The following GTF3C2 variants were observed in gnomAD, a reference collection of about 807,000 sequenced individuals.
GTF3C2 encodes the protein general transcription factor IIIC subunit 2, also known as general transcription factor 3C polypeptide 2.
In GTF3C2, 17 loss-of-function variants were observed where a neutral mutation model predicts 117.4. The observed-to-expected ratio is 0.14, with a 90% CI of 0.10 to 0.22. The LOEUF is 0.22. Among genes scored for constraint, GTF3C2 ranks in the 10% least tolerant of loss-of-function variants. The probability of loss-of-function intolerance (pLI) is 1.00; values close to 1 mark genes in which losing one functional copy is unlikely to be tolerated. For synonymous variants in GTF3C2, 437 were observed against 427.0 expected, an observed-to-expected ratio of 1.02 and a Z score of -0.29; for missense variants, 888 against 1,143.6, an observed-to-expected ratio of 0.78 and a Z score of 3.22.
intron 4 of GTF3C2, chr2:27,341,567 G>T: frequency 5.6e-6 from 1 of 179,102 alleles, no homozygotes; most frequent in Non-Finnish European, 1.2e-5. Flanking sequence ...CCTTCAAGAA[G>T]CAATTCAACT....
chr2:27,356,401 G>T, intron 1 of GTF3C2: 1 of 267,900 alleles, frequency 3.7e-6, no homozygotes, highest in Non-Finnish European at 7.8e-6. Flanking sequence ...GAGGAGCCCT[G>T]GTTTTTCTAA....
At chr2:27,348,982 G>A (rs886590954) in intron 1 of GTF3C2, among the ~76,000 whole-genome samples, 9 of 151,536 alleles carry the variant, frequency 5.9e-5, no homozygotes, top group African/African-American at 4.9e-5. Flanking sequence ...GATTACAGGC[G>A]GCCGCCACCA....
At position 27,356,302 on chromosome 2, in the gene GTF3C2, A is replaced by G. The variant is rs1681376803; in HGVS notation, c.-25+437T>C. 3.5e-5 allele frequency: 13 copies of G among 375,280 alleles called. 1 individual carries two copies. The highest frequency in any genetic ancestry group is 2.5e-4 in the South Asian group (13 of 51,610). 23.2% of individuals were successfully genotyped at this position (375,280 alleles called of 1,614,324 possible). On this transcript the variant is annotated intron_variant, in intron 1 of 18. Coordinates refer to ENST00000264720, the Ensembl canonical transcript of GTF3C2. ...GAAGAGGCTGGGACACAGCTGAAAGAGATTGACCCACAACCACTCTAGGGG... is the reference window on the plus strand; with the variant it reads ...GAAGAGGCTGGGACACAGCTGAAAGGGATTGACCCACAACCACTCTAGGGG...
intron 16 of GTF3C2, 64 bp downstream of exon 16, chr2:27,328,404 C>A (rs752099083): frequency 6.4e-7 from 1 of 1,566,616 alleles, no homozygotes; most frequent in East Asian, 2.2e-5. Flanking sequence ...TTGTACTCTA[C>A]CAGAATTTGG....
At chr2:27,342,882 G>T in exon 3 of GTF3C2, 1 of 1,614,182 alleles carries the variant, frequency 6.2e-7, no homozygotes. Flanking sequence ...AGTCCTCAGG[G>T]GGCCTCTTTG....
intron 1 of GTF3C2, chr2:27,356,225 T>C (rs1019911017): frequency 1.2e-5 from 7 of 593,986 alleles, no homozygotes; most frequent in East Asian, 6.7e-5. Flanking sequence ...GTTACGCCAA[T>C]GGCGTTGCAG....
chr2:27,336,093 G>T, intron 8 of GTF3C2, 65 bp from the exon 9 acceptor site: 1 of 1,396,294 alleles, frequency 7.2e-7, no homozygotes, highest in Non-Finnish European at 1.0e-6. Context: ...CCAGAGGTAA[G>T]CTCCCCTTGT....
chr2:27,335,300 TCAG>T, intron 10 of GTF3C2: 1 of 547,408 alleles, frequency 1.8e-6, no homozygotes, highest in Non-Finnish European at 3.6e-6. Flanking sequence ...GCCCAAGCCC[TCAG>T]CAGCTCTTTA....
intron 4 of GTF3C2, 195 bp from the exon 5 acceptor site, chr2:27,338,215 A>G (rs775437169): frequency 2.4e-5 from 14 of 572,528 alleles, no homozygotes; most frequent in Non-Finnish European, 4.4e-5. Context: ...TCCTCCATCG[A>G]AAATGCAAAA....
In GTF3C2 at chr2:27,341,698, T is replaced by C. The variant is rs1680735317; in HGVS notation, c.855+250A>G. On this transcript the variant is annotated intron_variant, in intron 4 of 18. Coordinates refer to ENST00000264720, the Ensembl canonical transcript of GTF3C2. ...AACTTGTGAGGCAGGATACACTGTC[T>C]TATTTACGTTTGTTGTGTTTCCTAA... is the stretch of plus-strand genomic sequence containing the variant. 11 of 495,842 alleles carry C rather than the reference T, an allele frequency of 2.2e-5. No individual in the cohort carries two copies. In the East Asian group the frequency reaches 3.7e-4, roughly 17 times the overall value. The allele number at this position is 495,842 out of a possible 1,614,324, so 30.7% of individuals were successfully genotyped here. A position where few individuals can be genotyped will look rare whatever the true frequency, so the allele number is the denominator to read the frequency against.
exon 3 of GTF3C2, chr2:27,342,892 G>A: frequency 6.2e-7 from 1 of 1,614,156 alleles, no homozygotes; most frequent in Non-Finnish European, 8.5e-7. Context: ...GGGCCTCTTT[G>A]GAGATTGAGA....
At chr2:27,343,405 C>A in exon 2 of GTF3C2, 1 of 1,613,934 alleles carries the variant, frequency 6.2e-7, no homozygotes, top group Non-Finnish European at 8.5e-7. Context: ...GTAATGACAT[C>A]TCTACGGAAG....
At chr2:27,332,453 C>T (rs768409603) in intron 12 of GTF3C2, among the ~76,000 whole-genome samples, 1 of 151,340 alleles carries the variant, frequency 6.6e-6, no homozygotes, top group Non-Finnish European at 1.5e-5. Context: ...CTCGCTCTGT[C>T]CTCCAGGCTA....
chr2:27,333,993 A>G, exon 11 of GTF3C2: 1 of 1,609,806 alleles, frequency 6.2e-7, no homozygotes, highest in Non-Finnish European at 8.5e-7. Flanking sequence ...GGCAGGCTTC[A>G]CTGCATCTGT....
At chr2:27,342,112 C>T in exon 4 of GTF3C2, 1 of 1,614,186 alleles carries the variant, frequency 6.2e-7, no homozygotes, top group Non-Finnish European at 8.5e-7. Flanking sequence ...GGACAGGCTG[C>T]TGGCTGCCGG....
In GTF3C2 at chr2:27,344,353, T is replaced by A. The variant is rs183371112; in HGVS notation, c.-24-775A>T. ...AAGCTTCCATTTATTAAATGCTAACTATGTGCCAAGCACTATACTAAGTGC... is the reference window on the plus strand; with the variant it reads ...AAGCTTCCATTTATTAAATGCTAACAATGTGCCAAGCACTATACTAAGTGC... On this transcript the variant is annotated intron_variant, in intron 1 of 18. Transcript: ENST00000264720. Among the ~76,000 whole-genome samples, 45 of 152,304 alleles carry A rather than the reference T, an allele frequency of 3.0e-4. No homozygotes were observed. The East Asian group carries it at 6.9e-3, about 24-fold the overall frequency.
At chr2:27,339,354 A>G (rs576374214) in intron 4 of GTF3C2, among the ~76,000 whole-genome samples, 57 of 147,932 alleles carry the variant, frequency 3.9e-4, no homozygotes, top group African/African-American at 1.2e-3. Flanking sequence ...GGTTGTGGTG[A>G]GCTGAGATCA....
At chr2:27,345,775 G>A (rs1306484354) in intron 1 of GTF3C2, among the ~76,000 whole-genome samples, 2 of 149,146 alleles carry the variant, frequency 1.3e-5, no homozygotes, top group African/African-American at 4.9e-5. Context: ...GTGCAGTGGC[G>A]TGATGTCGGC....
chr2:27,337,646 C>T, intron 5 of GTF3C2, 88 bp from the exon 6 acceptor site: 1 of 929,208 alleles, frequency 1.1e-6, no homozygotes, highest in South Asian at 1.3e-5. Context: ...GGAAATGATC[C>T]ATTATCTGTG....
Sources: gnomAD v4.1 joint callset for allele counts (sites outside exome capture counted in the v4.1 genomes callset) on GRCh38, gnomAD v4.1.1 for gene constraint, MANE v1.5 for transcripts, NCBI Gene and HGNC (gene_info 2026-07-23, HGNC 2026-07-21) for gene names.